The following MFSD12 variants were observed in gnomAD, a reference collection of about 807,000 sequenced individuals.
MFSD12 encodes the protein major facilitator superfamily domain containing 12.
A neutral mutation model predicts 51.2 loss-of-function variants in MFSD12; 67 were observed. The ratio of observed to expected loss-of-function variants is 1.31; its 90% CI spans 1.08 to 1.60. The LOEUF is 1.60. MFSD12 is among the 40% of genes most tolerant of loss of function. MFSD12 has a pLI of 0.00. For missense variants in MFSD12, 921 were observed against 673.0 expected, an observed-to-expected ratio of 1.37 and a Z score of -4.08; for synonymous variants, 441 against 316.7, an observed-to-expected ratio of 1.39 and a Z score of -4.17.
downstream of MFSD12, among the ~76,000 whole-genome samples, chr19:3,540,986 T>C (rs925482281): frequency 2.0e-5 from 3 of 148,222 alleles, no homozygotes; most frequent in Non-Finnish European, 4.5e-5. Flanking sequence ...CTGGCCAAGG[T>C]AGTGAAACCC....
chr19:3,544,790 G>A lies in MFSD12; in HGVS notation c.1420+19C>T. On this transcript the variant is annotated intron_variant, in intron 9 of 9. Transcript: ENST00000355415. ...GTGTGGGTCAGTGTCTGGGGAGGGA[G>A]GGGTGGGCCAGGACTCACAGCGTCG... The A allele has an allele frequency of 6.2e-7, 1 of 1,609,924 alleles. No homozygotes were observed. The highest frequency in any genetic ancestry group is 2.2e-5 in the East Asian group (1 of 44,786).
intron 8 of MFSD12, among the ~76,000 whole-genome samples, 179 bp downstream of exon 8, chr19:3,545,895 G>A (rs1433757700): frequency 1.3e-5 from 2 of 152,198 alleles, no homozygotes; most frequent in Non-Finnish European, 2.9e-5. Context: ...TTTGTTGAGT[G>A]AATAAACGAA....
intron 8 of MFSD12, 28 bp downstream of exon 8, chr19:3,546,043 AAAG>A: frequency 1.2e-6 from 2 of 1,609,764 alleles, no homozygotes; most frequent in Non-Finnish European, 8.5e-7. Flanking sequence ...TTACTGAACA[AAAG>A]AATGAATGAA....
At position 3,539,086 on chromosome 19, in the gene MFSD12, T is replaced by A. The variant is rs2122060781; in HGVS notation, c.*6-330A>T. ...CCCCGCAGCTGGGAGGAGGGAGTGG[T>A]CAGCGTGGTTGCCGAGACACTGGGT... On this transcript the variant is annotated intron_variant, in intron 4 of 4. Transcript: ENST00000398558. The A allele has an allele frequency of 3.9e-6, 3 of 775,340 alleles. No individual in the cohort carries two copies. In the South Asian group the frequency reaches 4.7e-5, roughly 12 times the overall value. The allele number at this position is 775,340 out of a possible 1,614,324, so 48.0% of individuals were successfully genotyped here. A position where few individuals can be genotyped will look rare whatever the true frequency, so the allele number is the denominator to read the frequency against.
chr19:3,547,834 TC>T lies in MFSD12; in HGVS notation c.837+13del. On this transcript the variant is annotated intron_variant, in intron 4 of 9. Coordinates refer to ENST00000355415, the MANE Select transcript of MFSD12 (RefSeq NM_174983.5). ...GAGAAGGCCCACGCCAGCCCCACCG[TC>T]CCCAGCACGCACCTGGTAGAAAGCC... 2 of 1,481,456 alleles carry T rather than the reference TC, an allele frequency of 1.4e-6. No individual in the cohort carries two copies. Among genetic ancestry groups the T allele is most frequent in the Non-Finnish European group, 8.9e-7 (1 of 1,118,448 alleles). 91.8% of individuals were successfully genotyped at this position (1,481,456 alleles called of 1,614,324 possible).
chr19:3,544,319 A>C lies in MFSD12; in HGVS notation c.*391T>G. 7.9e-7 allele frequency: 1 copy of C among 1,269,670 alleles called. No individual in the cohort carries two copies. The highest frequency in any genetic ancestry group is 9.9e-7 in the Non-Finnish European group (1 of 1,007,458). The allele number at this position is 1,269,670 out of a possible 1,614,324, so 78.7% of individuals were successfully genotyped here. ...CCCGTGGCTGTCTCCTCCAGGCTCC[A>C]GCCGTCCTGAGGGGGCCCTGGCAGT... On this transcript the variant is annotated 3_prime_UTR_variant, in exon 10 of 10. Transcript: ENST00000355415.
chr19:3,551,025 G>A lies in MFSD12; in HGVS notation c.468C>T (p.Leu156=), dbSNP rs527683886. 24 of 1,612,738 alleles carry A rather than the reference G, an allele frequency of 1.5e-5. No homozygotes were observed. The East Asian group carries it at 1.8e-4, about 12-fold the overall frequency. ...CCACCTTCTCATGGTCGTTGGTGACGAGCTCCGGGATGAGGCTGAGGTGGG... is the reference window on the plus strand; with the variant it reads ...CCACCTTCTCATGGTCGTTGGTGACAAGCTCCGGGATGAGGCTGAGGTGGG... ...QISHLSLIPE[L]VTNDHEKVEL... Residue 156 remains leucine, a synonymous_variant, in exon 2 of 10, where the codon CTC becomes CTT. Transcript: ENST00000355415. The surrounding 1 kb of genome is among the most constrained non-coding windows in gnomAD (Gnocchi z 4.6).
intron 7 of MFSD12, 22 bp from the exon 8 acceptor site, chr19:3,546,190 G>T: frequency 1.9e-6 from 3 of 1,611,130 alleles, no homozygotes; most frequent in Non-Finnish European, 1.7e-6. Flanking sequence ...CAGGCGAGGT[G>T]GTCAGCGTGC....
chr19:3,543,434 C>T, downstream of MFSD12: 5 of 1,546,094 alleles, frequency 3.2e-6, no homozygotes, highest in Non-Finnish European at 4.4e-6. Context: ...CAACCGCTGG[C>T]ACAGCTGCTA....
chr19:3,549,241 A>G (rs66520354), intron 2 of MFSD12, among the ~76,000 whole-genome samples: 19,930 of 152,202 alleles, frequency 0.13, 2,191 homozygotes, highest in East Asian at 0.6. Flanking sequence ...GGTGTAATAG[A>G]AAGAATTCTA....
At chr19:3,556,682 C>A (rs79271872) in intron 1 of MFSD12, among the ~76,000 whole-genome samples, 13,121 of 149,470 alleles carry the variant, frequency 0.088, 1,768 homozygotes, top group African/African-American at 0.29. Context: ...CACAGAGGGG[C>A]CACTGGGTAG....
downstream of MFSD12, chr19:3,542,264 A>G (rs961543638): frequency 1.0e-6 from 1 of 985,082 alleles, no homozygotes; most frequent in African/African-American, 1.8e-5. Flanking sequence ...TGACCAGGCT[A>G]CTCCCATGTT....
At chr19:3,538,801 T>C in intron 4 of MFSD12, 1 of 543,970 alleles carries the variant, frequency 1.8e-6, no homozygotes, top group Non-Finnish European at 3.7e-6. Flanking sequence ...GGGTGAGGAG[T>C]GAGGAGCTGG....
chr19:3,554,116 A>C (rs970116014), intron 1 of MFSD12, among the ~76,000 whole-genome samples: 2 of 151,862 alleles, frequency 1.3e-5, no homozygotes, highest in African/African-American at 4.8e-5. Flanking sequence ...AAAAATTAAA[A>C]AAAGAAGAGA....
At position 3,544,522 on chromosome 19, in the gene MFSD12, G is replaced by T. The variant is rs2030773535; in HGVS notation, c.*188C>A. 3 of 1,405,616 alleles carry T rather than the reference G, an allele frequency of 2.1e-6. No individual in the cohort carries two copies. The highest frequency in any genetic ancestry group is 2.9e-5 in the African/African-American group (2 of 69,202). 87.1% of individuals were successfully genotyped at this position (1,405,616 alleles called of 1,614,324 possible). A position where few individuals can be genotyped will look rare whatever the true frequency, so the allele number is the denominator to read the frequency against. ...ATGGGACACCCTCAAAACCCAGGGG[G>T]TCCTTGCAAGTCCCTGGCGGGCATC... On this transcript the variant is annotated 3_prime_UTR_variant, in exon 10 of 10. Coordinates refer to ENST00000355415, the MANE Select transcript of MFSD12 (RefSeq NM_174983.5).
At chr19:3,543,191 C>T (rs764483243), downstream of MFSD12, 70 of 1,528,898 alleles carry the variant, frequency 4.6e-5, no homozygotes, top group East Asian at 1.2e-4. Context: ...TCAAAGCACT[C>T]GCTGTAGACA....
At chr19:3,543,291 C>T, downstream of MFSD12, 1 of 1,548,648 alleles carries the variant, frequency 6.5e-7, no homozygotes. Flanking sequence ...AGGCAGGCCA[C>T]ACGCTGGAAG....
downstream of MFSD12, among the ~76,000 whole-genome samples, chr19:3,541,376 G>C (rs1375390820): frequency 6.6e-6 from 1 of 150,808 alleles, no homozygotes; most frequent in Non-Finnish European, 1.5e-5. Flanking sequence ...AGGCTGGAGT[G>C]CAGTGGAATG....
intron 3 of MFSD12, 24 bp downstream of exon 3, chr19:3,548,099 C>A: frequency 6.2e-7 from 1 of 1,603,366 alleles, no homozygotes; most frequent in Non-Finnish European, 8.5e-7. Context: ...GGACTTCAGG[C>A]GACCCACCCG....
Sources: gnomAD v4.1 joint callset for allele counts (sites outside exome capture counted in the v4.1 genomes callset) on GRCh38, gnomAD v4.1.1 for gene constraint, Gnocchi (gnomAD v3.1) non-coding constraint, MANE v1.5 for transcripts, NCBI Gene and HGNC (gene_info 2026-07-23, HGNC 2026-07-21) for gene names.